Variants in LAMA2 observed in about 807,000 individuals in gnomAD.
The protein encoded by LAMA2 is laminin subunit alpha-2.
A neutral mutation model predicts 364.8 loss-of-function variants in LAMA2; 269 were observed. The ratio of observed to expected loss-of-function variants is 0.74; its 90% CI spans 0.67 to 0.82. The LOEUF is 0.82. Ranked by LOEUF, LAMA2 falls within the 40% of genes least tolerant of loss-of-function variation. The pLI is 0.00. For synonymous variants in LAMA2, 1,379 were observed against 1,370.6 expected (o/e 1.01, Z -0.14); for missense variants, 3,807 against 3,873.2 (o/e 0.98, Z 0.45).
At chr6:128,979,156 A>T (rs984547392) in intron 1 of LAMA2, among the ~76,000 whole-genome samples, 2 of 152,138 alleles carry the variant, frequency 1.3e-5, no homozygotes, top group East Asian at 3.9e-4. Context: ...CAATTACTCA[A>T]CTCTGCTGTT....
At chr6:129,171,608 T>C (rs1386772355) in intron 9 of LAMA2, among the ~76,000 whole-genome samples, 1 of 151,346 alleles carries the variant, frequency 6.6e-6, no homozygotes, top group Non-Finnish European at 1.5e-5. Flanking sequence ...GCCCTTAACA[T>C]TTTTTCCTTC....
chr6:129,087,909 T>TA (rs1774480416), intron 3 of LAMA2, among the ~76,000 whole-genome samples: 2 of 151,162 alleles, frequency 1.3e-5, no homozygotes, highest in Non-Finnish European at 2.9e-5. Context: ...TTTATTTATT[T>TA]TTTTTATTAA....
chr6:129,251,402 T>G (rs547576750), intron 13 of LAMA2, among the ~76,000 whole-genome samples: 1 of 152,268 alleles, frequency 6.6e-6, no homozygotes, highest in African/African-American at 2.4e-5. Context: ...ATCTACAGTT[T>G]GAAATATGTA....
intron 12 of LAMA2, among the ~76,000 whole-genome samples, chr6:129,241,166 T>C (rs1785373653): frequency 6.6e-6 from 1 of 152,226 alleles, no homozygotes; most frequent in African/African-American, 2.4e-5. Context: ...GCCTTCTCTA[T>C]GTGTAATACA....
At chr6:129,114,743 C>A (rs899350) in intron 4 of LAMA2, among the ~76,000 whole-genome samples, 105,138 of 151,742 alleles carry the variant, frequency 0.69, 38,539 homozygotes, top group East Asian at 0.82. Flanking sequence ...GGGCCATGAC[C>A]TACTCCTTTG....
intron 9 of LAMA2, among the ~76,000 whole-genome samples, chr6:129,173,034 C>T (rs986115749): frequency 2.6e-5 from 4 of 152,036 alleles, no homozygotes; most frequent in Non-Finnish European, 4.4e-5. Flanking sequence ...CTTCGGCTCG[C>T]GCAGGGTGCG....
At chr6:129,506,356 A>T (rs1051437475) in intron 61 of LAMA2, among the ~76,000 whole-genome samples, 17 of 152,200 alleles carry the variant, frequency 1.1e-4, no homozygotes, top group South Asian at 1.0e-3. Flanking sequence ...CTGTCTCAAA[A>T]AAATAAATAA....
chr6:129,375,135 A>G (rs1037296524), intron 34 of LAMA2, among the ~76,000 whole-genome samples: 1 of 152,146 alleles, frequency 6.6e-6, no homozygotes, highest in African/African-American at 2.4e-5. Context: ...ATGTATTTTG[A>G]TATATTTTAA....
intron 1 of LAMA2, among the ~76,000 whole-genome samples, chr6:128,923,048 G>A (rs1327218657): frequency 1.3e-5 from 2 of 149,340 alleles, no homozygotes; most frequent in Admixed American, 6.7e-5. Context: ...TGAGGGCTCT[G>A]TTCTGTTCCA....
In LAMA2 at chr6:129,315,867, C is replaced by A. The variant is rs1300260534; in HGVS notation, c.3841C>A (p.Pro1281Thr). ...NPQVIIRGGT[P>T]THARIIVRHM... Reference sequence around the variant, plus strand: ...TCAAGTGATCATTCGAGGTGGGACACCTACTCATGCTAGAATTATCGTCAG... The same window carrying A: ...TCAAGTGATCATTCGAGGTGGGACAACTACTCATGCTAGAATTATCGTCAG... The change falls in exon 26 of 65, where the codon CCT becomes ACT. Residue 1281 changes from proline (P) to threonine (T), a missense_variant. Physicochemically the swap from Pro to Thr is conservative, Grantham distance 38. Coordinates refer to ENST00000421865, the MANE Select transcript of LAMA2 (RefSeq NM_000426.4). 6.2e-7 allele frequency: 1 copy of A among 1,613,910 alleles called. No individual in the cohort carries two copies. Among genetic ancestry groups the A allele is most frequent in the Non-Finnish European group, 8.5e-7 (1 of 1,179,974 alleles).
At chr6:129,030,571 T>A (rs2114732329) in intron 1 of LAMA2, among the ~76,000 whole-genome samples, 1 of 152,288 alleles carries the variant, frequency 6.6e-6, no homozygotes, top group Admixed American at 6.5e-5. Flanking sequence ...ACTCAAGGGA[T>A]AAAGTGAAAA....
chr6:129,448,244 T>C (rs1380318749), intron 45 of LAMA2, among the ~76,000 whole-genome samples: 1 of 151,628 alleles, frequency 6.6e-6, no homozygotes, highest in Non-Finnish European at 1.5e-5. Context: ...GTTTGCACCA[T>C]GGCACTCCAG....
intron 1 of LAMA2, among the ~76,000 whole-genome samples, chr6:129,040,295 T>G (rs1786997797): frequency 6.6e-6 from 1 of 152,096 alleles, no homozygotes; most frequent in South Asian, 2.1e-4. Flanking sequence ...GAGATGAGTA[T>G]GTGGAAAGGA....
intron 1 of LAMA2, among the ~76,000 whole-genome samples, chr6:128,906,775 C>T (rs1472188888): frequency 4.7e-5 from 7 of 150,280 alleles, no homozygotes; most frequent in Non-Finnish European, 9.0e-5. Flanking sequence ...TTAGGTCTAA[C>T]GTTTAAGTCT....
chr6:128,888,303 G>A (rs1776263582), intron 1 of LAMA2, among the ~76,000 whole-genome samples: 1 of 152,178 alleles, frequency 6.6e-6, no homozygotes, highest in Non-Finnish European at 1.5e-5. Flanking sequence ...GCATTGGAAT[G>A]TGGTAAATGA....
intron 1 of LAMA2, among the ~76,000 whole-genome samples, chr6:128,910,981 G>T (rs1469982942): frequency 6.6e-6 from 1 of 151,124 alleles, no homozygotes; most frequent in Non-Finnish European, 1.5e-5. Context: ...ACTTGAGGAG[G>T]CAGTCTGCCC....
chr6:129,089,591 G>A (rs9402104), intron 3 of LAMA2, among the ~76,000 whole-genome samples: 71,377 of 152,176 alleles, frequency 0.47, 20,401 homozygotes, highest in East Asian at 0.82. Flanking sequence ...GGAAAGCCAT[G>A]CTGTGCCAAT....
At chr6:128,950,637 A>T (rs905216206) in intron 1 of LAMA2, among the ~76,000 whole-genome samples, 2 of 152,014 alleles carry the variant, frequency 1.3e-5, no homozygotes, top group African/African-American at 4.8e-5. Flanking sequence ...TAGCTGTTTG[A>T]CCTCAGTCAA....
intron 1 of LAMA2, among the ~76,000 whole-genome samples, chr6:128,885,505 T>A (rs1475315785): frequency 6.6e-6 from 1 of 152,202 alleles, no homozygotes; most frequent in African/African-American, 2.4e-5. Context: ...ATTAATTGTT[T>A]AGGCCATGTT....
Sources: gnomAD v4.1 joint callset for allele counts (sites outside exome capture counted in the v4.1 genomes callset) on GRCh38, gnomAD v4.1.1 for gene constraint, MANE v1.5 for transcripts, NCBI Gene and HGNC (gene_info 2026-07-23, HGNC 2026-07-21) for gene names.